PREX1: variants seen among roughly 807,000 people sequenced by gnomAD.
PREX1 encodes the protein phosphatidylinositol-3,4,5-trisphosphate dependent Rac exchange factor 1.
A neutral mutation model predicts 198.3 loss-of-function variants in PREX1; 41 were observed. The observed-to-expected ratio is 0.21, with a 90% CI of 0.16 to 0.27. The LOEUF is 0.27. PREX1 is among the 10% of genes least tolerant of loss of function. PREX1 has a pLI of 1.00. For missense variants in PREX1, 1,620 were observed against 2,200.7 expected, an observed-to-expected ratio of 0.74 and a Z score of 5.28; for synonymous variants, 843 against 887.2, an observed-to-expected ratio of 0.95 and a Z score of 0.89.
At chr20:48,763,540 T>G (rs749967663) in intron 1 of PREX1, among the ~76,000 whole-genome samples, 4 of 152,190 alleles carry the variant, frequency 2.6e-5, no homozygotes, top group Non-Finnish European at 4.4e-5. Flanking sequence ...ACAATGACTT[T>G]CAAGAGGTTT....
chr20:48,675,805 G>A (rs976793174), intron 14 of PREX1, among the ~76,000 whole-genome samples: 10 of 152,158 alleles, frequency 6.6e-5, no homozygotes, highest in African/African-American at 1.2e-4. Flanking sequence ...TTGGGAGGCC[G>A]AGGCGGGCAG....
At chr20:48,855,755 G>A in the PREX1 span, among the ~76,000 whole-genome samples, 8 of 152,254 alleles carry the variant, frequency 5.3e-5, no homozygotes, top group East Asian at 9.6e-4. Context: ...AAAATTAGCC[G>A]GTTGTGGTGG....
intron 25 of PREX1, among the ~76,000 whole-genome samples, chr20:48,648,481 C>T (rs1601042305): frequency 6.6e-6 from 1 of 152,130 alleles, no homozygotes; most frequent in Non-Finnish European, 1.5e-5. Flanking sequence ...AATAATCCAG[C>T]CCCAAATGTC....
intron 1 of PREX1, among the ~76,000 whole-genome samples, chr20:48,749,358 C>G (rs1378184010): frequency 6.6e-6 from 1 of 152,182 alleles, no homozygotes; most frequent in African/African-American, 2.4e-5. Flanking sequence ...GGGGGCTGCT[C>G]CAGGTGAGCA....
intron 1 of PREX1, among the ~76,000 whole-genome samples, chr20:48,771,344 T>G (rs2090234906): frequency 6.6e-6 from 1 of 151,582 alleles, no homozygotes; most frequent in South Asian, 2.1e-4. Flanking sequence ...TTTCCCCCCA[T>G]GCTTAGGATT....
the PREX1 span, among the ~76,000 whole-genome samples, chr20:48,881,093 C>A: frequency 3.3e-5 from 5 of 150,654 alleles, no homozygotes; most frequent in African/African-American, 1.2e-4. Flanking sequence ...GGACGATATC[C>A]TCACAATATT....
At chr20:48,725,681 G>A (rs1480588824) in intron 5 of PREX1, among the ~76,000 whole-genome samples, 1 of 152,196 alleles carries the variant, frequency 6.6e-6, no homozygotes, top group Non-Finnish European at 1.5e-5. Flanking sequence ...ACCCAAGTCT[G>A]AGCCAATTAG....
Position 48,826,559 on chromosome 20 carries a change from C to A in PREX1, c.219+1083G>T, listed in dbSNP as rs114497331. Among the ~76,000 whole-genome samples the A allele has an allele frequency of 8.9e-3, 1,353 of 152,340 alleles. 14 individuals carry two copies. The highest frequency in any genetic ancestry group is 0.029 in the African/African-American group (1,200 of 41,580). On this transcript the variant is annotated intron_variant, in intron 1 of 39. Coordinates refer to ENST00000371941, the MANE Select transcript of PREX1 (RefSeq NM_020820.4). Reference sequence around the variant, plus strand: ...CCCTCTGGAGCTAAACTTTCCCAATCTTAAAAACGGAGGAGGCAGGACCCA... The same window carrying A: ...CCCTCTGGAGCTAAACTTTCCCAATATTAAAAACGGAGGAGGCAGGACCCA...
chr20:48,657,370 T>C (rs1263507673), intron 17 of PREX1, among the ~76,000 whole-genome samples, 182 bp from the exon 18 acceptor site: 1 of 152,208 alleles, frequency 6.6e-6, no homozygotes, highest in Admixed American at 6.5e-5. Context: ...TTCTGCCTCA[T>C]GAGCCACAAA....
chr20:48,627,749 G>C (rs2089284208), intron 38 of PREX1, 112 bp downstream of exon 38: 2 of 1,389,980 alleles, frequency 1.4e-6, no homozygotes, highest in Middle Eastern at 3.8e-4. Flanking sequence ...CAGATTCAGA[G>C]AAGGCTCAGG....
intron 1 of PREX1, among the ~76,000 whole-genome samples, chr20:48,820,363 C>CA (rs2090479121): frequency 6.6e-6 from 1 of 152,126 alleles, no homozygotes; most frequent in African/African-American, 2.4e-5. Context: ...AACCAGGACT[C>CA]AGAGAGGCAA....
At chr20:48,674,094 G>T (rs895944123) in intron 14 of PREX1, among the ~76,000 whole-genome samples, 24 of 152,222 alleles carry the variant, frequency 1.6e-4, no homozygotes, top group Admixed American at 1.6e-3. Context: ...GGGCTGGGGA[G>T]TGTGGTACAA....
chr20:48,764,890 C>T (rs3092318), intron 1 of PREX1, among the ~76,000 whole-genome samples: 51,324 of 151,426 alleles, frequency 0.34, 9,992 homozygotes, highest in Non-Finnish European at 0.43. Flanking sequence ...GGGAGATGGA[C>T]GAGGCCACAA....
chr20:48,788,421 G>A (rs575699530), intron 1 of PREX1, among the ~76,000 whole-genome samples: 1 of 152,182 alleles, frequency 6.6e-6, no homozygotes, highest in African/African-American at 2.4e-5. Context: ...GAGGATGATG[G>A]CAGGCTTCAG....
intron 1 of PREX1, among the ~76,000 whole-genome samples, chr20:48,786,792 G>A (rs2090314304): frequency 7.6e-6 from 1 of 131,624 alleles, no homozygotes; most frequent in African/African-American, 2.9e-5. Flanking sequence ...GAGTAGAAAA[G>A]AAAAGAAAGA....
At chr20:48,746,274 C>T (rs1601110496) in intron 2 of PREX1, among the ~76,000 whole-genome samples, 2 of 152,214 alleles carry the variant, frequency 1.3e-5, no homozygotes, top group African/African-American at 4.8e-5. Context: ...CTGCCTGCCT[C>T]AGCCTCCCAA....
chr20:48,869,699 A>G, the PREX1 span, among the ~76,000 whole-genome samples: 4 of 152,218 alleles, frequency 2.6e-5, no homozygotes, highest in African/African-American at 4.8e-5. Context: ...TTGCAGGGAC[A>G]TGGATGAAGC....
At position 48,625,898 on chromosome 20, in the gene PREX1, T is replaced by C. The variant is rs1444008310; in HGVS notation, c.4967A>G (p.Asp1656Gly). The C allele has an allele frequency of 5.1e-6, 8 of 1,562,964 alleles. No homozygotes were observed. Among genetic ancestry groups the C allele is most frequent in the Non-Finnish European group, 6.9e-6 (8 of 1,157,590 alleles). ...RLYRLCQPPV[D>G]GDL ...GCATTTGGGTGTTCAGAGGTCCCCA[T>C]CCACCGGCGGCTGGCAGAGGCGGTA... The change falls in exon 40 of 40, where the codon GAT (aspartate) becomes GGT (glycine). Residue 1656 changes from aspartate to glycine, a missense_variant. This residue lies in a region of PREX1 where 476 missense variants were observed against 603.4 expected (regional missense o/e 0.79). Transcript: ENST00000371941.
chr20:48,752,615 G>C (rs2090138945), intron 1 of PREX1, among the ~76,000 whole-genome samples: 1 of 152,124 alleles, frequency 6.6e-6, no homozygotes, highest in Admixed American at 6.5e-5. Context: ...GGCACTCGAT[G>C]GACACTATCT....
Sources: allele counts gnomAD v4.1 joint callset (sites outside exome capture counted in the v4.1 genomes callset), GRCh38; gene constraint gnomAD v4.1.1; regional missense constraint gnomAD v4.1.1; transcripts MANE v1.5; gene names NCBI Gene and HGNC (gene_info 2026-07-23, HGNC 2026-07-21).